Variants in BOK observed in about 807,000 individuals in gnomAD.
BOK encodes the protein BCL2 family apoptosis regulator BOK.
Under a neutral mutation model 18.3 loss-of-function variants are expected in BOK, and 20 were observed. That is an observed-to-expected ratio of 1.09 (90% CI 0.77 to 1.59). The LOEUF (loss-of-function observed/expected upper bound fraction) is 1.59, where lower values mean the gene tolerates loss of function less well. Among genes scored for constraint, BOK ranks in the 40% most tolerant of loss-of-function variants. BOK has a pLI of 0.00. For missense variants in BOK, 348 were observed against 307.9 expected, an observed-to-expected ratio of 1.13 and a Z score of -0.97; for synonymous variants, 173 against 142.4, an observed-to-expected ratio of 1.21 and a Z score of -1.53.
In BOK at chr2:241,572,637, G is replaced by T. The variant is rs1469329224; in HGVS notation, c.*215G>T. 4.5e-6 allele frequency: 3 copies of T among 659,862 alleles called. No individual in the cohort carries two copies. The highest frequency in any genetic ancestry group is 2.8e-5 in the East Asian group (1 of 36,160). The allele number at this position is 659,862 out of a possible 1,614,324, so 40.9% of individuals were successfully genotyped here. On this transcript the variant is annotated 3_prime_UTR_variant, in exon 5 of 5. Coordinates refer to ENST00000318407, the MANE Select transcript of BOK (RefSeq NM_032515.5). The stretch of plus-strand genomic sequence containing the variant: ...CTGGAGCTGGGCTTTGGGGCAGCCT[G>T]CGACCCTCCCCGCTTGTGTCCCTTC...
intron 4 of BOK, among the ~76,000 whole-genome samples, chr2:241,571,256 G>A (rs920101127): frequency 7.2e-5 from 11 of 152,108 alleles, no homozygotes; most frequent in African/African-American, 2.7e-4. Context: ...GGGTGTCAGA[G>A]CCAAACCCTT....
In BOK at chr2:241,572,541, C is replaced by T; in HGVS notation, c.*119C>T. 7.8e-6 allele frequency: 11 copies of T among 1,416,336 alleles called. No individual in the cohort carries two copies. Among genetic ancestry groups the T allele is most frequent in the Non-Finnish European group, 8.5e-6 (9 of 1,061,960 alleles). 87.7% of individuals were successfully genotyped at this position (1,416,336 alleles called of 1,614,324 possible). On this transcript the variant is annotated 3_prime_UTR_variant, in exon 5 of 5. Coordinates refer to ENST00000318407, the MANE Select transcript of BOK (RefSeq NM_032515.5). ...CCTGGAGCACTCTAACCCTCGGAGA[C>T]CCCCTAAGCCCCGTTCCTCCGCAGA...
At chr2:241,560,105 G>A (rs2066504809) in intron 2 of BOK, 1 of 985,410 alleles carries the variant, frequency 1.0e-6, no homozygotes, top group East Asian at 1.1e-4. Context: ...CCCGCCCGCT[G>A]CCCTCTGGAT....
chr2:241,572,365 C>G lies in BOK; in HGVS notation c.582C>G (p.Leu194=), dbSNP rs1484150204. 1.2e-6 allele frequency: 2 copies of G among 1,607,858 alleles called. No homozygotes were observed. The highest frequency in any genetic ancestry group is 2.2e-5 in the East Asian group (1 of 44,846). Residue 194 remains leucine, a synonymous_variant, in exon 5 of 5, where the codon CTC becomes CTG. Transcript: ENST00000318407. ...GLRSHWLVAA[L]CSFGRFLKAA... is the part of the protein sequence containing the mutation. ...GCTCCCACTGGCTGGTGGCTGCACTCTGCAGCTTCGGCCGCTTCCTGAAGG... is the reference window on the plus strand; with the variant it reads ...GCTCCCACTGGCTGGTGGCTGCACTGTGCAGCTTCGGCCGCTTCCTGAAGG...
intron 1 of BOK, among the ~76,000 whole-genome samples, chr2:241,551,838 G>C (rs949458223): frequency 3.3e-5 from 5 of 152,156 alleles, no homozygotes; most frequent in African/African-American, 1.2e-4. Context: ...CTGGGATGGT[G>C]GAGGTGTCTT....
At chr2:241,568,929 TAC>T (rs775052423) in intron 3 of BOK, among the ~76,000 whole-genome samples, 27 of 152,250 alleles carry the variant, frequency 1.8e-4, no homozygotes, top group Non-Finnish European at 2.6e-4. Context: ...TCTTTGCATG[TAC>T]AGTGTCCTCA....
chr2:241,565,662 C>T (rs867217499), intron 3 of BOK, among the ~76,000 whole-genome samples: 6 of 152,338 alleles, frequency 3.9e-5, no homozygotes, highest in East Asian at 1.9e-4. Context: ...CTGCACAGCC[C>T]GCACCTCAGG....
rs543353465 is a variant in BOK, at chr2:241,571,665, C to T, written c.514-632C>T. ...TGGGCACTGTGTGCCCAGTGGGCGA[C>T]GACACTTTGAGCAACGCCAAGGCCA... On this transcript the variant is annotated intron_variant, in intron 4 of 4. Coordinates refer to ENST00000318407, the MANE Select transcript of BOK (RefSeq NM_032515.5). Among the ~76,000 whole-genome samples, 40 of 152,290 alleles carry T rather than the reference C, an allele frequency of 2.6e-4. No individual in the cohort carries two copies. In the South Asian group the frequency reaches 5.8e-3, roughly 22 times the overall value.
At chr2:241,552,388 A>G (rs1574990603) in intron 1 of BOK, among the ~76,000 whole-genome samples, 1 of 152,176 alleles carries the variant, frequency 6.6e-6, no homozygotes, top group African/African-American at 2.4e-5. Context: ...GGCCCCACCC[A>G]GTCCCTCTGG....
chr2:241,556,956 T>C (rs989685534), upstream of BOK, among the ~76,000 whole-genome samples: 9 of 152,228 alleles, frequency 5.9e-5, no homozygotes, highest in African/African-American at 2.2e-4. Context: ...TCTTTTAGTG[T>C]CAGTTTTGGT....
intron 2 of BOK, 63 bp downstream of exon 2, chr2:241,559,766 C>A: frequency 7.9e-7 from 1 of 1,270,580 alleles, no homozygotes; most frequent in Non-Finnish European, 9.9e-7. Flanking sequence ...CAGCCTCCCT[C>A]CGAGGCCGAG....
rs1391730237 is a variant in BOK, at chr2:241,566,711, C to T, written c.350-3414C>T. Among the ~76,000 whole-genome samples the T allele has an allele frequency of 2.5e-5, 2 of 78,990 alleles. 1 individual carries two copies. The highest frequency in any genetic ancestry group is 5.2e-5 in the Non-Finnish European group (2 of 38,766). The allele number at this position is 78,990 out of a possible 152,430, so 51.8% of individuals were successfully genotyped here. On this transcript the variant is annotated intron_variant, in intron 3 of 4. Coordinates refer to ENST00000318407, the MANE Select transcript of BOK (RefSeq NM_032515.5). ...TGAGCTGGCCCCTGGCAGACTCCAG[C>T]CCTTTTCCTGCCACCTCAACCTGTG...
chr2:241,572,401 C>A lies in BOK; in HGVS notation c.618C>A (p.Phe206Leu), dbSNP rs747958315. Residue 206 changes from phenylalanine to leucine, a missense_variant, in exon 5 of 5, where the codon TTC (phenylalanine) becomes TTA (leucine). Physicochemically the swap from Phe to Leu is conservative, Grantham distance 22 (BLOSUM62 0). Coordinates refer to ENST00000318407, the MANE Select transcript of BOK (RefSeq NM_032515.5). ...GCCGCTTCCTGAAGGCTGCCTTCTT[C>A]GTGCTGCTGCCAGAGAGATGAGCTG... ...SFGRFLKAAFFVLLPER is the reference protein window; with the variant it reads ...SFGRFLKAAFLVLLPER The A allele has an allele frequency of 1.9e-6, 3 of 1,600,288 alleles. No homozygotes were observed. The highest frequency in any genetic ancestry group is 3.3e-4 in the Middle Eastern group (2 of 6,052).
chr2:241,551,873 C>T (rs1353272712), intron 1 of BOK, among the ~76,000 whole-genome samples: 1 of 151,746 alleles, frequency 6.6e-6, no homozygotes, highest in Non-Finnish European at 1.5e-5. Context: ...GCCCTGCCCA[C>T]CCAGTATTCA....
At position 241,572,796 on chromosome 2, in the gene BOK, T is replaced by C. The variant is rs1203616317; in HGVS notation, c.*374T>C. The C allele has an allele frequency of 1.3e-5, 3 of 229,868 alleles. No homozygotes were observed. Among genetic ancestry groups the C allele is most frequent in the African/African-American group, 7.3e-5 (3 of 41,114 alleles). 14.2% of individuals were successfully genotyped at this position (229,868 alleles called of 1,614,324 possible). ...GGTGAAGGGGCCCGGGAACACCTGC[T>C]CTCACCTGAGCCCCAGGTGAAGGGG... On this transcript the variant is annotated 3_prime_UTR_variant, in exon 5 of 5. Coordinates refer to ENST00000318407, the MANE Select transcript of BOK (RefSeq NM_032515.5).
chr2:241,555,922 G>A (rs193207699), upstream of BOK, among the ~76,000 whole-genome samples: 9 of 152,308 alleles, frequency 5.9e-5, no homozygotes, highest in African/African-American at 1.9e-4. Context: ...GTTGCCTGAG[G>A]CTACACAGCG....
chr2:241,563,553 T>G (rs1458915090), intron 3 of BOK, among the ~76,000 whole-genome samples: 1 of 152,194 alleles, frequency 6.6e-6, no homozygotes, highest in African/African-American at 2.4e-5. Flanking sequence ...CAGGATTCCC[T>G]GAAGCTTGGA....
chr2:241,572,465 A>T lies in BOK; in HGVS notation c.*43A>T. On this transcript the variant is annotated 3_prime_UTR_variant, in exon 5 of 5. Transcript: ENST00000318407. ...GGCCGCAGCCTGGCCCTCTGGGCCC[A>T]ACGCAGGAGGCCCTCAGCACCCGAA... 6.3e-7 allele frequency: 1 copy of T among 1,576,014 alleles called. No individual in the cohort carries two copies. Among genetic ancestry groups the T allele is most frequent in the Non-Finnish European group, 8.6e-7 (1 of 1,168,038 alleles).
In BOK at chr2:241,559,632, G is replaced by A; in HGVS notation, c.149G>A (p.Trp50Ter). 1 of 1,432,326 alleles carries A rather than the reference G, an allele frequency of 7.0e-7. No homozygotes were observed. The allele number at this position is 1,432,326 out of a possible 1,614,324, so 88.7% of individuals were successfully genotyped here. ...CGGCTGCTGCGCGCCGGCCTCTCCT[G>A]GAGCGCGCCCGAGCGTGCCGCGCCG... is the stretch of plus-strand genomic sequence containing the variant. Reference protein sequence around the residue: ...HARLLRAGLSWSAPERAAPVP... With the variant: ...HARLLRAGLS The change falls in exon 2 of 5, where the codon TGG becomes TAG. Residue 50 changes from tryptophan (W) to a stop codon, truncating the protein, a stop_gained. Coordinates refer to ENST00000318407, the MANE Select transcript of BOK (RefSeq NM_032515.5). LOFTEE classifies it high-confidence loss of function.
Sources: allele counts gnomAD v4.1 joint callset (sites outside exome capture counted in the v4.1 genomes callset), GRCh38; gene constraint gnomAD v4.1.1; transcripts MANE v1.5; gene names NCBI Gene and HGNC (gene_info 2026-07-23, HGNC 2026-07-21).